Variants in LRRFIP1 observed in about 807,000 individuals in gnomAD.
LRRFIP1 encodes leucine-rich repeat flightless-interacting protein 1.
Under a neutral mutation model 104.4 loss-of-function variants are expected in LRRFIP1, and 62 were observed. The observed-to-expected ratio is 0.59, with a 90% CI of 0.48 to 0.73. LRRFIP1 has a LOEUF of 0.73. Among genes scored for constraint, LRRFIP1 ranks in the 30% least tolerant of loss-of-function variants. The probability of loss-of-function intolerance (pLI) is 0.00; values close to 1 mark genes in which losing one functional copy is unlikely to be tolerated. For synonymous variants in LRRFIP1, 300 were observed against 299.0 expected, an observed-to-expected ratio of 1.00 and a Z score of -0.03; for missense variants, 796 against 824.5, an observed-to-expected ratio of 0.97 and a Z score of 0.42.
At chr2:237,764,097 G>A in intron 19 of LRRFIP1, 1 of 1,614,188 alleles carries the variant, frequency 6.2e-7, no homozygotes, top group South Asian at 1.1e-5. Flanking sequence ...ACCAGAGGAG[G>A]GAATGAGAAG....
intron 1 of LRRFIP1, among the ~76,000 whole-genome samples, chr2:237,632,327 C>CAATTCTGT (rs1475161816): frequency 2.0e-5 from 3 of 152,172 alleles, no homozygotes; most frequent in Non-Finnish European, 2.9e-5. Context: ...AAGATGCAAC[C>CAATTCTGT]AATTCTGTGG....
intron 1 of LRRFIP1, among the ~76,000 whole-genome samples, chr2:237,637,023 G>A (rs1201653860): frequency 6.6e-6 from 1 of 152,094 alleles, no homozygotes; most frequent in Non-Finnish European, 1.5e-5. Context: ...CATACACCAG[G>A]GAAGAACGGC....
chr2:237,749,220 C>T lies in LRRFIP1; in HGVS notation c.691C>T (p.Leu231=). 1.9e-6 allele frequency: 3 copies of T among 1,613,720 alleles called. No individual in the cohort carries two copies. The highest frequency in any genetic ancestry group is 2.5e-6 in the Non-Finnish European group (3 of 1,180,004). ...CCAGGGGTCTCGTAACATGCCGGGC[C>T]TGTCTGCAGCCACGCTGGCCTCTCT... is the stretch of plus-strand genomic sequence containing the variant. ...TEKGSRNMPG[L]SAATLASLGG... The change falls in exon 13 of 24, where the codon CTG becomes TTG. Residue 231 remains leucine (L), a synonymous_variant. Coordinates refer to ENST00000308482, the MANE Select transcript of LRRFIP1 (RefSeq NM_001137550.2).
At chr2:237,698,812 G>C (rs59647840) in intron 1 of LRRFIP1, among the ~76,000 whole-genome samples, 6,616 of 151,372 alleles carry the variant, frequency 0.044, 523 homozygotes, top group African/African-American at 0.15. Flanking sequence ...GGAGAGACGA[G>C]AGATCCACAC....
intron 13 of LRRFIP1, among the ~76,000 whole-genome samples, chr2:237,750,926 G>A (rs13389300): frequency 0.023 from 3,512 of 152,162 alleles, 147 homozygotes; most frequent in African/African-American, 0.079. Context: ...AACCTGTACC[G>A]TTTTCCGAGG....
chr2:237,689,625 G>T (rs2092631822), intron 1 of LRRFIP1, among the ~76,000 whole-genome samples: 1 of 152,182 alleles, frequency 6.6e-6, no homozygotes, highest in African/African-American at 2.4e-5. Context: ...GGCAGGCAGT[G>T]GGTTTGTTCT....
rs1042898111 is a variant in LRRFIP1, at chr2:237,691,762, C to T, written c.97-16782C>T. Among the ~76,000 whole-genome samples, 3 of 151,976 alleles carry T rather than the reference C, an allele frequency of 2.0e-5. No individual in the cohort carries two copies. The highest frequency in any genetic ancestry group is 4.4e-5 in the Non-Finnish European group (3 of 67,954). On this transcript the variant is annotated intron_variant, in intron 1 of 23. Coordinates refer to ENST00000308482, the MANE Select transcript of LRRFIP1 (RefSeq NM_001137550.2). This position sits in a 1 kb window ranked among gnomAD's most constrained non-coding sequence, Gnocchi z 5.4. Reference sequence around the variant, plus strand: ...CATCCTCCCCGGAGCGCCCGCTTCCCACGGCCCCTGCGGGTGGAGCTGCGG... The same window carrying T: ...CATCCTCCCCGGAGCGCCCGCTTCCTACGGCCCCTGCGGGTGGAGCTGCGG...
chr2:237,644,938 C>T lies in LRRFIP1; in HGVS notation c.96+17198C>T, dbSNP rs1176953122. Among the ~76,000 whole-genome samples, 4 of 152,374 alleles carry T rather than the reference C, an allele frequency of 2.6e-5. No individual in the cohort carries two copies. In the East Asian group the frequency reaches 7.7e-4, roughly 29 times the overall value. On this transcript the variant is annotated intron_variant, in intron 1 of 23. Coordinates refer to ENST00000308482, the MANE Select transcript of LRRFIP1 (RefSeq NM_001137550.2). ...TTCCCTCACATCCTACAGGGACACA[C>T]GGCACCAATGTGGCTTCTTACTGAG...
chr2:237,713,967 C>T (rs927741175), intron 2 of LRRFIP1, among the ~76,000 whole-genome samples: 1 of 152,194 alleles, frequency 6.6e-6, no homozygotes, highest in South Asian at 2.1e-4. Flanking sequence ...TACTTTTTCT[C>T]ATTGATGGCA....
Position 237,708,528 on chromosome 2 carries a change from G to GCCCTGTC in LRRFIP1, c.97-14_97-8dup. 1 of 1,553,784 alleles carries GCCCTGTC rather than the reference G, an allele frequency of 6.4e-7. No individual in the cohort carries two copies. The highest frequency in any genetic ancestry group is 1.8e-5 in the Admixed American group (1 of 55,720). Reference sequence around the variant, plus strand: ...CCGCTGCTCTGTCCTCTAATAAGATGCCCTGTCCGTTTCAGGCGGAAGCCC... The same window carrying GCCCTGTC: ...CCGCTGCTCTGTCCTCTAATAAGATGCCCTGTCCCCTGTCCGTTTCAGGCGGAAGCCC... On this transcript the variant is annotated splice_polypyrimidine_tract_variant and intron_variant, in intron 1 of 23. Transcript: ENST00000308482.
In LRRFIP1 at chr2:237,678,713, G is replaced by A. The variant is rs985358777; in HGVS notation, c.97-29831G>A. 2.6e-5 allele frequency among the ~76,000 whole-genome samples: 4 copies of A among 152,064 alleles called. No homozygotes were observed. The East Asian group carries it at 7.7e-4, about 29-fold the overall frequency. The stretch of plus-strand genomic sequence containing the variant: ...AGTAGAGACAAGGTTTCACCATGCT[G>A]GCCAGGCTGGTCTCAAACTCCTGAC... On this transcript the variant is annotated intron_variant, in intron 1 of 23. Coordinates refer to ENST00000308482, the MANE Select transcript of LRRFIP1 (RefSeq NM_001137550.2).
Position 237,749,335 on chromosome 2 carries a change from C to G in LRRFIP1, c.795+11C>G, listed in dbSNP as rs369179935. 57 of 1,612,876 alleles carry G rather than the reference C, an allele frequency of 3.5e-5. No homozygotes were observed. In the African/African-American group the frequency reaches 5.2e-4, roughly 15 times the overall value. On this transcript the variant is annotated intron_variant, in intron 13 of 23. Transcript: ENST00000308482. The stretch of plus-strand genomic sequence containing the variant: ...ATCAGGGAAATCAAGGTGAGATGCT[C>G]TCTTCTTACTGACAACTTGAGAGAA...
intron 1 of LRRFIP1, among the ~76,000 whole-genome samples, chr2:237,681,291 C>T (rs1228988540): frequency 6.6e-6 from 1 of 152,232 alleles, no homozygotes; most frequent in Non-Finnish European, 1.5e-5. Flanking sequence ...AGTTCTACCA[C>T]TTCGGCAGAG....
At position 237,757,469 on chromosome 2, in the gene LRRFIP1, T is replaced by C. The variant is rs1350397051; in HGVS notation, c.1145T>C (p.Leu382Pro). ...REEMLEEIRQ[L>P]QQKQASSIRE... is the part of the protein sequence containing the mutation. ...TCCTTTCCTCAGGAAATCCGACAGC[T>C]ACAGCAGAAACAGGCGAGTTCTATC... The change falls in exon 17 of 24, where the codon CTA (leucine) becomes CCA (proline). Residue 382 changes from leucine (L) to proline (P), a missense_variant. Leu to Pro is a moderately conservative substitution (Grantham distance 98, BLOSUM62 -3). Coordinates refer to ENST00000308482, the MANE Select transcript of LRRFIP1 (RefSeq NM_001137550.2). The C allele has an allele frequency of 8.8e-6, 14 of 1,592,244 alleles. No homozygotes were observed. The highest frequency in any genetic ancestry group is 1.1e-5 in the Non-Finnish European group (13 of 1,168,928).
At chr2:237,671,802 G>A (rs1342677606) in intron 1 of LRRFIP1, among the ~76,000 whole-genome samples, 1 of 150,804 alleles carries the variant, frequency 6.6e-6, no homozygotes, top group African/African-American at 2.5e-5. Context: ...GCAGGTGTGT[G>A]TGTGCCTGCA....
At chr2:237,637,435 G>A (rs1298118121) in intron 1 of LRRFIP1, among the ~76,000 whole-genome samples, 3 of 152,114 alleles carry the variant, frequency 2.0e-5, no homozygotes, top group South Asian at 2.1e-4. Context: ...ACCACTGCAC[G>A]CCATCCTGGG....
At chr2:237,721,021 G>A (rs145933218) in intron 6 of LRRFIP1, 199 bp downstream of exon 6, 3 of 534,218 alleles carry the variant, frequency 5.6e-6, no homozygotes, top group East Asian at 5.9e-5. Context: ...ATATGCATAG[G>A]CACGTTGGTT....
chr2:237,714,316 G>A (rs909530038), intron 3 of LRRFIP1, 40 bp downstream of exon 3: 2 of 1,556,916 alleles, frequency 1.3e-6, no homozygotes, highest in Admixed American at 3.5e-5. Flanking sequence ...TGCATGTACT[G>A]TTTTTTCCTT....
intron 1 of LRRFIP1, among the ~76,000 whole-genome samples, chr2:237,689,596 C>T (rs1395162332): frequency 2.0e-5 from 3 of 152,182 alleles, no homozygotes; most frequent in Admixed American, 2.0e-4. Flanking sequence ...CTGCAGCAGC[C>T]CCTTCCCACA....
Sources: allele counts gnomAD v4.1 joint callset (sites outside exome capture counted in the v4.1 genomes callset), GRCh38; gene constraint gnomAD v4.1.1; non-coding constraint Gnocchi (gnomAD v3.1); transcripts MANE v1.5; gene names NCBI Gene and HGNC (gene_info 2026-07-23, HGNC 2026-07-21).